CBR4: variants seen among roughly 807,000 people sequenced by gnomAD.
CBR4 encodes carbonyl reductase 4, also known as 3-oxoacyl-[acyl-carrier-protein] reductase.
In CBR4, 22 loss-of-function variants were observed where a neutral mutation model predicts 21.0. That is an observed-to-expected ratio of 1.05 (90% CI 0.75 to 1.50). The LOEUF is 1.50. CBR4 is among the 40% of genes most tolerant of loss of function. CBR4 has a pLI of 0.00. For synonymous variants in CBR4, 100 were observed against 104.4 expected (o/e 0.96, Z 0.26); for missense variants, 302 against 286.3 (o/e 1.05, Z -0.40).
chr4:168,933,353 C>T (rs1202852716), intron 2 of CBR4, among the ~76,000 whole-genome samples: 1 of 151,992 alleles, frequency 6.6e-6, no homozygotes, highest in South Asian at 2.1e-4. Flanking sequence ...AAAAAGTGAG[C>T]AGAAGTAGCT....
intron 3 of CBR4, among the ~76,000 whole-genome samples, chr4:169,003,490 T>C (rs770313386): frequency 6.6e-6 from 1 of 152,202 alleles, no homozygotes; most frequent in East Asian, 1.9e-4. Context: ...GTGAATACTG[T>C]TGAAAGAAAT....
At chr4:168,936,389 A>C (rs572492202) in intron 2 of CBR4, among the ~76,000 whole-genome samples, 5 of 152,202 alleles carry the variant, frequency 3.3e-5, no homozygotes, top group Non-Finnish European at 5.9e-5. Context: ...CCAAAGGATC[A>C]CAACTCCTCA....
intron 2 of CBR4, among the ~76,000 whole-genome samples, chr4:168,929,216 TATACAC>T (rs898714764): frequency 6.6e-6 from 1 of 152,126 alleles, no homozygotes; most frequent in African/African-American, 2.4e-5. Flanking sequence ...CCCATATTCA[TATACAC>T]ATATAGCATT....
In CBR4 at chr4:168,988,197, T is replaced by C; in HGVS notation, c.*1953A>G. ...GTCAGTGGGAGTGGGCGGATTCACCTGGAGTGGAGCAGTGAAGGTTTATTT... is the reference window on the plus strand; with the variant it reads ...GTCAGTGGGAGTGGGCGGATTCACCCGGAGTGGAGCAGTGAAGGTTTATTT... On this transcript the variant is annotated 3_prime_UTR_variant, in exon 5 of 5. Transcript: ENST00000306193. The C allele has an allele frequency of 1.0e-6, 1 of 985,448 alleles. No individual in the cohort carries two copies. 61.0% of individuals were successfully genotyped at this position (985,448 alleles called of 1,614,324 possible). A position where few individuals can be genotyped will look rare whatever the true frequency, so the allele number is the denominator to read the frequency against.
At chr4:168,959,053 C>T (rs1014894226) in intron 2 of CBR4, among the ~76,000 whole-genome samples, 1 of 151,914 alleles carries the variant, frequency 6.6e-6, no homozygotes, top group Admixed American at 6.6e-5. Context: ...TTATAAAACC[C>T]AATTTACCAT....
intron 2 of CBR4, among the ~76,000 whole-genome samples, chr4:168,979,109 C>A (rs1275252966): frequency 1.3e-5 from 2 of 151,944 alleles, no homozygotes; most frequent in South Asian, 2.1e-4. Context: ...GGTCCCTCCT[C>A]CTGTTACTCC....
chr4:168,999,750 A>G (rs899674322), intron 4 of CBR4, among the ~76,000 whole-genome samples: 1 of 152,070 alleles, frequency 6.6e-6, no homozygotes, highest in Non-Finnish European at 1.5e-5. Flanking sequence ...CTGGATTCCC[A>G]CTATTTAGTC....
intron 4 of CBR4, among the ~76,000 whole-genome samples, chr4:168,994,818 G>C (rs1417647019): frequency 1.5e-5 from 2 of 134,828 alleles, no homozygotes; most frequent in Non-Finnish European, 3.1e-5. Flanking sequence ...ACAATGGCAT[G>C]ATCTCAGCTC....
chr4:168,917,050 T>G (rs6835630), intron 2 of CBR4, among the ~76,000 whole-genome samples: 69,872 of 118,042 alleles, frequency 0.59, 20,363 homozygotes, highest in East Asian at 0.83. Context: ...TTTTTTGGGG[T>G]TTTTTTTTTT....
At chr4:168,940,235 A>T (rs1321311971) in intron 2 of CBR4, among the ~76,000 whole-genome samples, 2 of 152,236 alleles carry the variant, frequency 1.3e-5, no homozygotes, top group Non-Finnish European at 2.9e-5. Context: ...CTGGCTAGCC[A>T]TATGCAGAAA....
At chr4:168,954,277 G>A (rs1241210414) in intron 2 of CBR4, among the ~76,000 whole-genome samples, 2 of 152,114 alleles carry the variant, frequency 1.3e-5, no homozygotes, top group Non-Finnish European at 2.9e-5. Context: ...AAATTCTGAG[G>A]AAAATGTTTC....
intron 4 of CBR4, among the ~76,000 whole-genome samples, chr4:168,990,837 G>A (rs1764883140): frequency 1.3e-5 from 2 of 152,072 alleles, no homozygotes; most frequent in African/African-American, 4.8e-5. Context: ...CAGATCACCT[G>A]AGGGCAGGAG....
chr4:168,925,215 CT>C (rs767544052), intron 2 of CBR4: 11 of 1,601,026 alleles, frequency 6.9e-6, no homozygotes, highest in Non-Finnish European at 9.4e-6. Flanking sequence ...ATTGCTCTCT[CT>C]CTCTTTCTAT....
intron 2 of CBR4, among the ~76,000 whole-genome samples, chr4:168,976,634 T>C (rs1355050248): frequency 6.6e-6 from 1 of 152,182 alleles, no homozygotes. Flanking sequence ...CAAAGTACCT[T>C]TTTAAGGGCG....
chr4:168,985,264 G>A (rs570957780), downstream of CBR4, among the ~76,000 whole-genome samples: 1 of 151,970 alleles, frequency 6.6e-6, no homozygotes, highest in African/African-American at 2.4e-5. Context: ...GAAGACATAC[G>A]TGCAGCCAAC....
chr4:169,002,128 G>C lies in CBR4; in HGVS notation c.478C>G (p.Arg160Gly), dbSNP rs200095550. Residue 160 changes from arginine (R) to glycine (G), a missense_variant, in exon 4 of 5, where the codon CGT becomes GGT. By Grantham distance (125) the Arg-to-Gly change is moderately radical. Transcript: ENST00000306193. Reference sequence around the variant, plus strand: ...CTTGCTACCTCTTTAGCAAGAGCACGTGAAAATCCAACTAATCCTCCTTTA... The same window carrying C: ...CTTGCTACCTCTTTAGCAAGAGCACCTGAAAATCCAACTAATCCTCCTTTA... ...ASKGGLVGFS[R>G]ALAKEVARKK... The C allele has an allele frequency of 1.3e-6, 2 of 1,592,912 alleles. No individual in the cohort carries two copies. Among genetic ancestry groups the C allele is most frequent in the African/African-American group, 2.8e-5 (2 of 72,158 alleles).
intron 2 of CBR4, among the ~76,000 whole-genome samples, chr4:168,953,188 C>T (rs188235095): frequency 1.5e-4 from 23 of 152,132 alleles, no homozygotes; most frequent in African/African-American, 5.3e-4. Context: ...AGGTTGTCAG[C>T]GAAGTGAGGG....
chr4:168,930,355 A>T (rs1431434609), intron 2 of CBR4, among the ~76,000 whole-genome samples: 1 of 152,222 alleles, frequency 6.6e-6, no homozygotes. Flanking sequence ...AGGATAAAAA[A>T]TTTGAGGAAA....
In CBR4 at chr4:169,007,664, A is replaced by C; in HGVS notation, c.235T>G (p.Phe79Val). ...TTAATACCAGCTGCATTTACCAAGA[A>C]ATTTACTCGACCTAAATGTTTCTCC... ...ELEKHLGRVNFLVNAAGINRD... is the reference protein window; with the variant it reads ...ELEKHLGRVNVLVNAAGINRD... The change falls in exon 2 of 5, where the codon TTC becomes GTC. Residue 79 changes from phenylalanine (F) to valine (V), a missense_variant. By Grantham distance (50) the Phe-to-Val change is conservative. Coordinates refer to ENST00000306193, the MANE Select transcript of CBR4 (RefSeq NM_032783.5). The C allele has an allele frequency of 6.3e-7, 1 of 1,585,596 alleles. No individual in the cohort carries two copies.
Sources: allele counts gnomAD v4.1 joint callset (sites outside exome capture counted in the v4.1 genomes callset), GRCh38; gene constraint gnomAD v4.1.1; transcripts MANE v1.5; gene names NCBI Gene and HGNC (gene_info 2026-07-23, HGNC 2026-07-21).